FNDC1: variants seen among roughly 807,000 people sequenced by gnomAD.
FNDC1 encodes fibronectin type III domain-containing protein 1.
FNDC1 carries 96 observed loss-of-function variants against 168.0 expected under a neutral mutation model. The ratio of observed to expected loss-of-function variants is 0.57; its 90% CI spans 0.48 to 0.68. The LOEUF (loss-of-function observed/expected upper bound fraction) is 0.68, where lower values mean the gene tolerates loss of function less well. Among genes scored for constraint, FNDC1 ranks in the 30% least tolerant of loss-of-function variants. The probability of loss-of-function intolerance (pLI) is 0.00; values close to 1 mark genes in which losing one functional copy is unlikely to be tolerated. For missense variants in FNDC1, 2,587 were observed against 2,482.1 expected (o/e 1.04, Z -0.90); for synonymous variants, 1,099 against 1,025.9 (o/e 1.07, Z -1.36).
At chr6:159,195,470 T>C (rs1782223839) in intron 1 of FNDC1, among the ~76,000 whole-genome samples, 1 of 152,042 alleles carries the variant, frequency 6.6e-6, no homozygotes, top group East Asian at 1.9e-4. Context: ...TTTAGGATAG[T>C]ATGTTTCAGT....
At chr6:159,271,010 GT>G (rs1777734282) in intron 22 of FNDC1, among the ~76,000 whole-genome samples, 3 of 152,142 alleles carry the variant, frequency 2.0e-5, no homozygotes, top group African/African-American at 7.2e-5. Flanking sequence ...TAGTCACTGG[GT>G]TCCTATGGAG....
At position 159,261,173 on chromosome 6, in the gene FNDC1, T is replaced by A; in HGVS notation, c.5175-17T>A. On this transcript the variant is annotated splice_polypyrimidine_tract_variant and intron_variant, in intron 18 of 22. Transcript: ENST00000297267. Reference sequence around the variant, plus strand: ...AAATACATGTCTCTTTCAAAATATATCTTCTTCCAACTTCAGGTATTATTT... The same window carrying A: ...AAATACATGTCTCTTTCAAAATATAACTTCTTCCAACTTCAGGTATTATTT... The A allele has an allele frequency of 3.1e-6, 5 of 1,588,362 alleles. No homozygotes were observed. Among genetic ancestry groups the A allele is most frequent in the Non-Finnish European group, 4.3e-6 (5 of 1,159,390 alleles).
intron 4 of FNDC1, among the ~76,000 whole-genome samples, chr6:159,211,486 C>T (rs138865561): frequency 5.3e-5 from 8 of 152,324 alleles, no homozygotes; most frequent in African/African-American, 1.9e-4. Context: ...CTATAGGCAA[C>T]CTCATATTTG....
rs139495649 is a variant in FNDC1, at chr6:159,172,950, C to T, written c.109+3245C>T. Among the ~76,000 whole-genome samples the T allele has an allele frequency of 4.0e-4, 61 of 152,314 alleles. 1 individual carries two copies. The highest frequency in any genetic ancestry group is 1.2e-3 in the Admixed American group (19 of 15,300). On this transcript the variant is annotated intron_variant, in intron 1 of 22. Coordinates refer to ENST00000297267, the MANE Select transcript of FNDC1 (RefSeq NM_032532.3). ...TTGCCAAAATGTAGAAACAAAGCTG[C>T]TCTTCTCACTCATTTCTCTTTGTTT...
chr6:159,191,629 A>G (rs413952), intron 1 of FNDC1, among the ~76,000 whole-genome samples: 38,397 of 152,130 alleles, frequency 0.25, 5,621 homozygotes, highest in East Asian at 0.63. Flanking sequence ...CAGAATTAAA[A>G]AATGTAAGCA....
intron 10 of FNDC1, 58 bp from the exon 11 acceptor site, chr6:159,231,824 C>T (rs1016873935): frequency 1.4e-5 from 20 of 1,446,118 alleles, no homozygotes; most frequent in African/African-American, 1.4e-5. Flanking sequence ...TGTGTCTCAC[C>T]TCCGCTTTCG....
At chr6:159,212,202 C>T (rs1562638991) in intron 4 of FNDC1, among the ~76,000 whole-genome samples, 1 of 152,256 alleles carries the variant, frequency 6.6e-6, no homozygotes, top group Non-Finnish European at 1.5e-5. Context: ...GTTGTACCAA[C>T]AGCAGTTGAG....
chr6:159,222,984 ATTTTTTTTTTTTTTTT>A (rs201310702), intron 6 of FNDC1, among the ~76,000 whole-genome samples: 3 of 116,882 alleles, frequency 2.6e-5, no homozygotes, highest in South Asian at 2.7e-4. Context: ...TGAAATACTC[ATTTTTTTTTTTTTTTT>A]TTTTTTTTTT....
chr6:159,234,368 C>T lies in FNDC1; in HGVS notation c.3856C>T (p.Pro1286Ser). 1.2e-6 allele frequency: 2 copies of T among 1,612,692 alleles called. No homozygotes were observed. The highest frequency in any genetic ancestry group is 2.2e-5 in the East Asian group (1 of 44,832). Residue 1286 changes from proline to serine, a missense_variant, in exon 11 of 23, where the codon CCA becomes TCA. Transcript: ENST00000297267. Reference sequence around the variant, plus strand: ...CTGGCCGCAGTACACCACGCGCGCCCCACCTGGCCACTTCTCCACCACCCC... The same window carrying T: ...CTGGCCGCAGTACACCACGCGCGCCTCACCTGGCCACTTCTCCACCACCCC... The part of the protein sequence containing the change: ...HPWPQYTTRA[P>S]PGHFSTTPML...
intron 1 of FNDC1, among the ~76,000 whole-genome samples, chr6:159,188,850 C>T (rs927206667): frequency 4.6e-5 from 7 of 151,048 alleles, no homozygotes; most frequent in African/African-American, 7.3e-5. Context: ...CAGGTTCAAG[C>T]GATTATCCTG....
In FNDC1 at chr6:159,230,018, T is replaced by A. The variant is rs1783048829; in HGVS notation, c.1369+15T>A. Reference sequence around the variant, plus strand: ...TATGCCAACAAGTAAGCATTATGTGTCTGTGGCTGTCTTCTCTCTCTCTTC... The same window carrying A: ...TATGCCAACAAGTAAGCATTATGTGACTGTGGCTGTCTTCTCTCTCTCTTC... On this transcript the variant is annotated intron_variant, in intron 10 of 22. Transcript: ENST00000297267. The A allele has an allele frequency of 6.3e-7, 1 of 1,596,180 alleles. No individual in the cohort carries two copies. The highest frequency in any genetic ancestry group is 1.3e-5 in the African/African-American group (1 of 74,554).
chr6:159,219,604 G>A (rs1782780755), intron 5 of FNDC1, among the ~76,000 whole-genome samples: 1 of 152,182 alleles, frequency 6.6e-6, no homozygotes. Context: ...CAATGAAGAT[G>A]CGCGCGTGAG....
intron 14 of FNDC1, chr6:159,243,352 A>G (rs937379323): frequency 2.0e-5 from 3 of 152,218 alleles, no homozygotes; most frequent in African/African-American, 7.2e-5. Flanking sequence ...CCAGATAGAA[A>G]ATACTGAGAA....
intron 1 of FNDC1, among the ~76,000 whole-genome samples, chr6:159,174,734 C>T (rs374781361): frequency 5.9e-5 from 9 of 152,232 alleles, no homozygotes; most frequent in African/African-American, 1.9e-4. Context: ...TTGCCTAGAC[C>T]TGCAGCTGGG....
At position 159,197,614 on chromosome 6, in the gene FNDC1, T is replaced by C. The variant is rs762154295; in HGVS notation, c.293T>C (p.Ile98Thr). The change falls in exon 2 of 23, where the codon ATT (isoleucine) becomes ACT (threonine). Residue 98 changes from isoleucine to threonine, a missense_variant. Physicochemically the swap from Ile to Thr is moderately conservative, Grantham distance 89. Coordinates refer to ENST00000297267, the MANE Select transcript of FNDC1 (RefSeq NM_032532.3). ...KVNAETYSFL[I>T]EDVEPGVVYF... The stretch of plus-strand genomic sequence containing the variant: ...AATGCGGAGACATACTCCTTCCTTA[T>C]TGAGGATGTGGGTAAGTGACACTCT... 9.9e-6 allele frequency: 16 copies of C among 1,611,534 alleles called. No individual in the cohort carries two copies. The highest frequency in any genetic ancestry group is 5.0e-5 in the Admixed American group (3 of 59,744).
rs764997490 is a variant in FNDC1, at chr6:159,229,876, T to C, written c.1242T>C (p.Pro414=). The change falls in exon 10 of 23, where the codon CCT becomes CCC. Residue 414 remains proline, a synonymous_variant. Coordinates refer to ENST00000297267, the MANE Select transcript of FNDC1 (RefSeq NM_032532.3). ...KPFGAKSLTY[P]GDTTSALVDG... Reference sequence around the variant, plus strand: ...TTGGAGCAAAGTCCCTCACCTATCCTGGAGACACTACTTCTGCCCTGGTGG... The same window carrying C: ...TTGGAGCAAAGTCCCTCACCTATCCCGGAGACACTACTTCTGCCCTGGTGG... 6.2e-7 allele frequency: 1 copy of C among 1,613,984 alleles called. No individual in the cohort carries two copies. Among genetic ancestry groups the C allele is most frequent in the Admixed American group, 1.7e-5 (1 of 60,024 alleles).
chr6:159,247,770 A>C (rs560020250), intron 15 of FNDC1, among the ~76,000 whole-genome samples: 1 of 152,312 alleles, frequency 6.6e-6, no homozygotes, highest in East Asian at 1.9e-4. Flanking sequence ...TTTAAGGTTA[A>C]GAATACAAAG....
chr6:159,171,505 T>G (rs1781659477), intron 1 of FNDC1, among the ~76,000 whole-genome samples: 1 of 152,054 alleles, frequency 6.6e-6, no homozygotes, highest in Non-Finnish European at 1.5e-5. Flanking sequence ...TGTGTCAAGC[T>G]CTCCCCTTCA....
Position 159,199,960 on chromosome 6 carries a change from C to G in FNDC1, c.305-36C>G, listed in dbSNP as rs375519097. 52 of 1,537,396 alleles carry G rather than the reference C, an allele frequency of 3.4e-5. No homozygotes were observed. The African/African-American group carries it at 6.5e-4, about 19-fold the overall frequency. On this transcript the variant is annotated intron_variant, in intron 2 of 22. Coordinates refer to ENST00000297267, the MANE Select transcript of FNDC1 (RefSeq NM_032532.3). ...GTGAAACTGTGTCATTCTTGGAGAT[C>G]TGAATTGGTGGCTTGATATGAACCG...
Sources: allele counts gnomAD v4.1 joint callset (sites outside exome capture counted in the v4.1 genomes callset), GRCh38; gene constraint gnomAD v4.1.1; transcripts MANE v1.5; gene names NCBI Gene and HGNC (gene_info 2026-07-23, HGNC 2026-07-21).